PSMD11: variants seen among roughly 807,000 people sequenced by gnomAD.
PSMD11 encodes 26S proteasome non-ATPase regulatory subunit 11.
PSMD11 carries 5 observed loss-of-function variants against 62.3 expected under a neutral mutation model. The observed-to-expected ratio is 0.08, with a 90% CI of 0.04 to 0.17. PSMD11 has a LOEUF of 0.17. Ranked by LOEUF, PSMD11 falls within the 10% of genes least tolerant of loss-of-function variation. PSMD11 has a pLI of 1.00. For synonymous variants in PSMD11, 191 were observed against 191.8 expected (o/e 1.00, Z 0.03); for missense variants, 310 against 512.9 (o/e 0.60, Z 3.82).
In PSMD11 at chr17:32,469,102, G is replaced by A. The variant is rs1263527457; in HGVS notation, c.552G>A (p.Pro184=). ...SKTYHALSNL[P]KARAALTSAR... ...CATACCATGCCCTGAGCAACCTGCC[G>A]AAAGCCCGAGCTGCCTTAACTTCTG... Residue 184 remains proline (P), a synonymous_variant, in exon 6 of 14, where the codon CCG becomes CCA. Transcript: ENST00000261712. The A allele has an allele frequency of 2.5e-6, 4 of 1,614,090 alleles. No homozygotes were observed. Among genetic ancestry groups the A allele is most frequent in the Admixed American group, 3.3e-5 (2 of 60,002 alleles).
Position 32,444,701 on chromosome 17 carries a change from C to G in PSMD11, c.91+87C>G. On this transcript the variant is annotated intron_variant, in intron 1 of 13. Coordinates refer to ENST00000261712, the MANE Select transcript of PSMD11 (RefSeq NM_002815.4). ...GGCAGCGGAGAGGGGCCCGGCTAGC[C>G]GGCTCTGATGCTGCTGACTCACTGT... 2.0e-6 allele frequency: 3 copies of G among 1,523,344 alleles called. No homozygotes were observed. The South Asian group carries it at 3.4e-5, about 17-fold the overall frequency. The allele number at this position is 1,523,344 out of a possible 1,614,324, so 94.4% of individuals were successfully genotyped here.
At chr17:32,449,936 A>G (rs990093267) in intron 2 of PSMD11, among the ~76,000 whole-genome samples, 1 of 152,356 alleles carries the variant, frequency 6.6e-6, no homozygotes. Flanking sequence ...GGGATTACCA[A>G]ATAAAACAAT....
Position 32,464,591 on chromosome 17 carries a change from G to T in PSMD11, c.448+13G>T. The T allele has an allele frequency of 6.3e-7, 1 of 1,590,692 alleles. No homozygotes were observed. The highest frequency in any genetic ancestry group is 8.6e-7 in the Non-Finnish European group (1 of 1,162,764). On this transcript the variant is annotated intron_variant, in intron 5 of 13. Transcript: ENST00000261712. ...GCATTGCATTTGGGTAAGTAAGCTGGTAATAAGTCATCTCAGCTAGCTAAA... is the reference window on the plus strand; with the variant it reads ...GCATTGCATTTGGGTAAGTAAGCTGTTAATAAGTCATCTCAGCTAGCTAAA...
intron 3 of PSMD11, among the ~76,000 whole-genome samples, chr17:32,458,255 A>G (rs926609485): frequency 6.6e-6 from 1 of 152,130 alleles, no homozygotes; most frequent in Non-Finnish European, 1.5e-5. Flanking sequence ...TCAAACCTTC[A>G]GTGGCTTTCC....
chr17:32,451,327 A>T (rs1039206433), intron 2 of PSMD11, among the ~76,000 whole-genome samples: 1 of 152,218 alleles, frequency 6.6e-6, no homozygotes, highest in Non-Finnish European at 1.5e-5. Context: ...AAAAGATAGA[A>T]ATAACAGCAG....
intron 2 of PSMD11, among the ~76,000 whole-genome samples, chr17:32,450,422 A>ATTTTTTT (rs58292122): frequency 7.7e-6 from 1 of 129,538 alleles, no homozygotes; most frequent in Non-Finnish European, 1.6e-5. Flanking sequence ...TGCTCGGCTA[A>ATTTTTTT]TTTTTTTTTT....
At chr17:32,474,259 A>G (rs1908256131) in intron 7 of PSMD11, among the ~76,000 whole-genome samples, 1 of 152,242 alleles carries the variant, frequency 6.6e-6, no homozygotes, top group African/African-American at 2.4e-5. Context: ...TAGCTTACAG[A>G]TCAGCCAGTA....
chr17:32,472,284 G>A (rs556517798), intron 6 of PSMD11, among the ~76,000 whole-genome samples: 21 of 151,264 alleles, frequency 1.4e-4, no homozygotes, highest in African/African-American at 4.1e-4. Flanking sequence ...GTGCAGTGAC[G>A]TGACCTCGGC....
chr17:32,459,523 A>T (rs896646390), intron 3 of PSMD11, among the ~76,000 whole-genome samples: 1 of 150,092 alleles, frequency 6.7e-6, no homozygotes, highest in Middle Eastern at 3.5e-3. Context: ...CAGATGTGAG[A>T]CACCATGCCC....
chr17:32,451,594 T>A (rs576955040), intron 2 of PSMD11, among the ~76,000 whole-genome samples: 180 of 152,148 alleles, frequency 1.2e-3, no homozygotes, highest in African/African-American at 4.1e-3. Context: ...ATAAAGAAAT[T>A]AAAAATAAAG....
chr17:32,467,150 G>A (rs1375502321), intron 5 of PSMD11, among the ~76,000 whole-genome samples: 1 of 151,226 alleles, frequency 6.6e-6, no homozygotes, highest in Non-Finnish European at 1.5e-5. Flanking sequence ...TCACCATGTT[G>A]GCCAGCCTGG....
At chr17:32,456,930 G>T (rs1037799978) in intron 3 of PSMD11, among the ~76,000 whole-genome samples, 10 of 152,150 alleles carry the variant, frequency 6.6e-5, no homozygotes, top group African/African-American at 2.2e-4. Flanking sequence ...GCCTCCCAAA[G>T]TGCTGGGATT....
chr17:32,463,809 T>G (rs1907913471), intron 3 of PSMD11, among the ~76,000 whole-genome samples: 1 of 152,214 alleles, frequency 6.6e-6, no homozygotes, highest in African/African-American at 2.4e-5. Flanking sequence ...GTAGGAGTCT[T>G]GAAGATAGAG....
At chr17:32,469,635 G>A (rs1908102045) in intron 6 of PSMD11, among the ~76,000 whole-genome samples, 1 of 152,144 alleles carries the variant, frequency 6.6e-6, no homozygotes, top group Non-Finnish European at 1.5e-5. Context: ...GTTTTCCGAT[G>A]GAGTGCGTGA....
At chr17:32,475,950 C>G (rs1450079531) in intron 8 of PSMD11, among the ~76,000 whole-genome samples, 2 of 151,916 alleles carry the variant, frequency 1.3e-5, no homozygotes, top group Non-Finnish European at 2.9e-5. Flanking sequence ...AGGAGCTGAC[C>G]TGAAACTTTT....
At chr17:32,478,186 T>C (rs1401226312) in intron 9 of PSMD11, among the ~76,000 whole-genome samples, 2 of 152,204 alleles carry the variant, frequency 1.3e-5, no homozygotes, top group Admixed American at 6.5e-5. Flanking sequence ...TATATAGTCT[T>C]TCCTGAACCT....
intron 2 of PSMD11, among the ~76,000 whole-genome samples, chr17:32,450,052 T>G (rs1907443047): frequency 6.6e-6 from 1 of 152,174 alleles, no homozygotes; most frequent in Admixed American, 6.5e-5. Flanking sequence ...AAAAGGAATC[T>G]GTTGAGTTCT....
chr17:32,479,793 C>T, intron 10 of PSMD11, 58 bp from the exon 11 acceptor site: 2 of 1,559,858 alleles, frequency 1.3e-6, no homozygotes, highest in Non-Finnish European at 1.8e-6. Flanking sequence ...CCTCCCTTCT[C>T]TTATTGGAGG....
At chr17:32,448,048 T>G (rs1373902711) in intron 2 of PSMD11, among the ~76,000 whole-genome samples, 1 of 151,782 alleles carries the variant, frequency 6.6e-6, no homozygotes, top group African/African-American at 2.4e-5. Context: ...GCCTGGCTAA[T>G]TTTTGTATTT....
Sources: gnomAD v4.1 joint callset for allele counts (sites outside exome capture counted in the v4.1 genomes callset) on GRCh38, gnomAD v4.1.1 for gene constraint, MANE v1.5 for transcripts, NCBI Gene and HGNC (gene_info 2026-07-23, HGNC 2026-07-21) for gene names.